Variants in THSD7B observed in about 807,000 individuals in gnomAD.
THSD7B encodes thrombospondin type 1 domain containing 7B, also known as thrombospondin type-1 domain-containing protein 7B.
Under a neutral mutation model 213.6 loss-of-function variants are expected in THSD7B, and 138 were observed. That is an observed-to-expected ratio of 0.65 (90% CI 0.56 to 0.74). THSD7B has a LOEUF of 0.74. THSD7B is among the 30% of genes least tolerant of loss of function. The probability of loss-of-function intolerance (pLI) is 0.00; values close to 1 mark genes in which losing one functional copy is unlikely to be tolerated. For missense variants in THSD7B, 1,931 were observed against 1,991.5 expected, an observed-to-expected ratio of 0.97 and a Z score of 0.58; for synonymous variants, 742 against 687.0, an observed-to-expected ratio of 1.08 and a Z score of -1.25.
intron 20 of THSD7B, among the ~76,000 whole-genome samples, chr2:137,636,806 G>C (rs1682841264): frequency 6.6e-6 from 1 of 152,220 alleles, no homozygotes; most frequent in Admixed American, 6.5e-5. Flanking sequence ...AACTTTTAAT[G>C]CCCATTCCAG....
chr2:137,259,491 C>A (rs947316011), intron 10 of THSD7B, among the ~76,000 whole-genome samples: 7 of 152,072 alleles, frequency 4.6e-5, no homozygotes, highest in Non-Finnish European at 8.8e-5. Flanking sequence ...CTTCTTTTGA[C>A]AAGGGTCTGT....
intron 12 of THSD7B, among the ~76,000 whole-genome samples, chr2:137,335,917 T>A (rs1684628632): frequency 6.6e-6 from 1 of 152,174 alleles, no homozygotes; most frequent in African/African-American, 2.4e-5. Context: ...TTTTTTCTAC[T>A]GATTTATTTG....
At chr2:137,262,796 T>G in intron 10 of THSD7B, among the ~76,000 whole-genome samples, 1 of 152,184 alleles carries the variant, frequency 6.6e-6, no homozygotes, top group East Asian at 1.9e-4. Context: ...TTTTAAAACA[T>G]GCTAATACTT....
intron 2 of THSD7B, among the ~76,000 whole-genome samples, chr2:137,032,251 C>T (rs951974532): frequency 3.2e-4 from 48 of 152,100 alleles, no homozygotes; most frequent in East Asian, 1.9e-4. Context: ...AAAAAAATGC[C>T]GTTTAGTGTT....
At position 136,767,894 on chromosome 2, in the gene THSD7B, C is replaced by T. The variant is rs556938729; in HGVS notation, c.-36+2207C>T. On this transcript the variant is annotated intron_variant, in intron 1 of 27. Transcript: ENST00000409968. ...AATCAATACTTGAGAAATGATCTTA[C>T]AATATTTCTTAATCTTCTGGCCCAT... Among the ~76,000 whole-genome samples the T allele has an allele frequency of 2.2e-4, 34 of 152,276 alleles. 1 individual carries two copies. The highest frequency in any genetic ancestry group is 1.7e-3 in the South Asian group (8 of 4,812).
intron 15 of THSD7B, among the ~76,000 whole-genome samples, chr2:137,493,124 A>C (rs1679466762): frequency 7.4e-6 from 1 of 135,712 alleles, no homozygotes; most frequent in Non-Finnish European, 1.5e-5. Context: ...CTCTCTCTCA[A>C]AAAAAAAAAA....
At position 137,523,979 on chromosome 2, in the gene THSD7B, A is replaced by G. The variant is rs370911528; in HGVS notation, c.3139-39242A>G. Among the ~76,000 whole-genome samples the G allele has an allele frequency of 3.3e-4, 51 of 152,296 alleles. No individual in the cohort carries two copies. In the East Asian group the frequency reaches 5.6e-3, roughly 17 times the overall value. On this transcript the variant is annotated intron_variant, in intron 15 of 27. Coordinates refer to ENST00000409968, the MANE Select transcript of THSD7B (RefSeq NM_001316349.2). ...TTTAATTTTATATAAAAGTAGTTTA[A>G]TGGATTTTTTTTCCATTAAAATACA...
At chr2:136,789,988 A>G (rs192483600) in intron 1 of THSD7B, among the ~76,000 whole-genome samples, 1 of 152,066 alleles carries the variant, frequency 6.6e-6, no homozygotes, top group African/African-American at 2.4e-5. Context: ...TCTTAAACCC[A>G]TTAGGGATCT....
At chr2:137,104,519 A>C (rs1369804138) in intron 4 of THSD7B, among the ~76,000 whole-genome samples, 2 of 152,134 alleles carry the variant, frequency 1.3e-5, no homozygotes, top group Non-Finnish European at 2.9e-5. Context: ...CTAGTAAACA[A>C]ATTCAAAAGC....
intron 2 of THSD7B, among the ~76,000 whole-genome samples, chr2:136,941,704 T>C (rs1558860970): frequency 6.6e-6 from 1 of 152,234 alleles, no homozygotes; most frequent in African/African-American, 2.4e-5. Flanking sequence ...GATTTTTTTT[T>C]CTTGAAAATT....
chr2:137,215,643 A>T lies in THSD7B; in HGVS notation c.1724-15401A>T, dbSNP rs74991068. Among the ~76,000 whole-genome samples, 341 of 152,008 alleles carry T rather than the reference A, an allele frequency of 2.2e-3. 12 individuals carry two copies. In the East Asian group the frequency reaches 0.062, roughly 28 times the overall value. The stretch of plus-strand genomic sequence containing the variant: ...TTTATTTTCTTGGAAGACCACTTGA[A>T]CTCCTCTTTAAAGCTTGTAAGAAGT... On this transcript the variant is annotated intron_variant, in intron 7 of 27. Transcript: ENST00000409968.
intron 12 of THSD7B, among the ~76,000 whole-genome samples, chr2:137,308,383 A>G (rs1264316479): frequency 6.6e-6 from 1 of 152,130 alleles, no homozygotes; most frequent in East Asian, 1.9e-4. Flanking sequence ...ATCTGGTTGA[A>G]GCATTTCTAT....
At chr2:136,957,431 TACA>T (rs1685145012) in intron 2 of THSD7B, among the ~76,000 whole-genome samples, 1 of 123,294 alleles carries the variant, frequency 8.1e-6, no homozygotes, top group Non-Finnish European at 1.9e-5. Context: ...CATGGGCCAA[TACA>T]ACGTTTTTTT....
At chr2:136,989,284 G>A (rs1404057661) in intron 2 of THSD7B, among the ~76,000 whole-genome samples, 1 of 152,164 alleles carries the variant, frequency 6.6e-6, no homozygotes, top group African/African-American at 2.4e-5. Context: ...TGTTGGTGGA[G>A]GGCCTAGTGG....
chr2:136,943,006 T>C (rs1346027471), intron 2 of THSD7B, among the ~76,000 whole-genome samples: 1 of 152,198 alleles, frequency 6.6e-6, no homozygotes, highest in Non-Finnish European at 1.5e-5. Context: ...ATAGTTCTTA[T>C]TATTTTGAGA....
chr2:137,138,533 G>T (rs982590706), intron 5 of THSD7B, among the ~76,000 whole-genome samples: 2 of 152,112 alleles, frequency 1.3e-5, no homozygotes, highest in Admixed American at 6.6e-5. Flanking sequence ...CTTCTGTAAA[G>T]GTGGAGTATT....
intron 27 of THSD7B, among the ~76,000 whole-genome samples, chr2:137,668,183 C>T (rs553022556): frequency 2.0e-5 from 3 of 152,200 alleles, no homozygotes; most frequent in African/African-American, 7.2e-5. Context: ...ATCTCACTCC[C>T]CAGAGGTTCT....
Position 137,436,101 on chromosome 2 carries a change from T to C in THSD7B, c.2960-14744T>C, listed in dbSNP as rs187997698. On this transcript the variant is annotated intron_variant, in intron 14 of 27. Coordinates refer to ENST00000409968, the MANE Select transcript of THSD7B (RefSeq NM_001316349.2). ...TTAAATTTATAACCTTCCACTTCAC[T>C]CTGCATCTGTTTATATTAATGTATA... Among the ~76,000 whole-genome samples, 5 of 152,196 alleles carry C rather than the reference T, an allele frequency of 3.3e-5. No homozygotes were observed. In the East Asian group the frequency reaches 9.6e-4, roughly 29 times the overall value.
At chr2:137,587,845 C>G (rs769380524) in intron 17 of THSD7B, among the ~76,000 whole-genome samples, 8 of 152,184 alleles carry the variant, frequency 5.3e-5, no homozygotes, top group Non-Finnish European at 1.2e-4. Flanking sequence ...CTGGGAGAAC[C>G]ACTACTCTCT....
Sources: gnomAD v4.1 joint callset for allele counts (sites outside exome capture counted in the v4.1 genomes callset) on GRCh38, gnomAD v4.1.1 for gene constraint, MANE v1.5 for transcripts, NCBI Gene and HGNC (gene_info 2026-07-23, HGNC 2026-07-21) for gene names.